Variants in HSPA12A observed in about 807,000 individuals in gnomAD.
The protein encoded by HSPA12A is heat shock protein family A (Hsp70) member 12A, also known as heat shock 70 kDa protein 12A.
In HSPA12A, 28 loss-of-function variants were observed where a neutral mutation model predicts 69.2. The observed-to-expected ratio is 0.40, with a 90% CI of 0.30 to 0.55. The LOEUF (loss-of-function observed/expected upper bound fraction) is 0.55. Among genes scored for constraint, HSPA12A ranks in the 20% least tolerant of loss-of-function variants. HSPA12A has a pLI of 0.38. For missense variants in HSPA12A, 686 were observed against 900.7 expected, an observed-to-expected ratio of 0.76 and a Z score of 3.05; for synonymous variants, 345 against 370.5, an observed-to-expected ratio of 0.93 and a Z score of 0.79.
chr10:116,685,257 C>A (rs1849545538), intron 6 of HSPA12A, among the ~76,000 whole-genome samples: 1 of 152,132 alleles, frequency 6.6e-6, no homozygotes, highest in Non-Finnish European at 1.5e-5. Context: ...AACTTCTCAT[C>A]AGGCGAAGTC....
chr10:116,703,709 G>A (rs1183582556), intron 3 of HSPA12A, among the ~76,000 whole-genome samples: 1 of 152,212 alleles, frequency 6.6e-6, no homozygotes, highest in East Asian at 1.9e-4. Context: ...AAAGATTCGA[G>A]GAGTCATACC....
chr10:116,848,778 T>A (rs1287166738), intron 1 of HSPA12A, among the ~76,000 whole-genome samples: 1 of 152,162 alleles, frequency 6.6e-6, no homozygotes, highest in Non-Finnish European at 1.5e-5. Context: ...CCTCCCCAAG[T>A]CCTGCCTGAA....
chr10:116,681,685 C>G (rs782589570), intron 8 of HSPA12A, 106 bp downstream of exon 8: 24 of 950,724 alleles, frequency 2.5e-5, no homozygotes, highest in Non-Finnish European at 3.6e-5. Context: ...TTAGAACCCA[C>G]TGAGTTTGAA....
chr10:116,741,200 C>A (rs1013172618), intron 1 of HSPA12A, among the ~76,000 whole-genome samples: 6 of 152,122 alleles, frequency 3.9e-5, no homozygotes, highest in African/African-American at 1.4e-4. Context: ...TGGGGAGGCA[C>A]CTCCCTGATC....
At chr10:116,761,618 C>T (rs1486864687) in intron 2 of HSPA12A, among the ~76,000 whole-genome samples, 3 of 151,520 alleles carry the variant, frequency 2.0e-5, no homozygotes, top group African/African-American at 7.3e-5. Flanking sequence ...CATGGTAGTG[C>T]ACGTCTGGCT....
chr10:116,806,235 C>CT lies in HSPA12A; in HGVS notation c.91+28699dup, dbSNP rs1240554055. ...TATACATTTTTGAGACTGGGTTTCA[C>CT]TCTTGCCCGGGATGGAGTGCAATGG... On this transcript the variant is annotated intron_variant, in intron 2 of 12. Coordinates refer to the HSPA12A transcript ENST00000635765. Among the ~76,000 whole-genome samples, 4 of 152,210 alleles carry CT rather than the reference C, an allele frequency of 2.6e-5. No homozygotes were observed. The East Asian group carries it at 7.7e-4, about 29-fold the overall frequency.
exon 1 of HSPA12A, chr10:116,849,592 G>A (rs1845992431): frequency 6.5e-7 from 1 of 1,547,784 alleles, no homozygotes; most frequent in Admixed American, 2.0e-5. Context: ...GGCGGCCGCA[G>A]CTGTGGGACC....
chr10:116,692,543 AC>A, intron 5 of HSPA12A, 76 bp from the exon 6 acceptor site: 1 of 1,109,110 alleles, frequency 9.0e-7, no homozygotes, highest in Non-Finnish European at 1.4e-6. Flanking sequence ...GCTTCACTGA[AC>A]CCAGGCTTCC....
rs116862920 is a variant in HSPA12A, at chr10:116,753,092, C to T, written c.92-45807G>A. 8.2e-3 allele frequency among the ~76,000 whole-genome samples: 1,254 copies of T among 152,294 alleles called. 6 individuals are homozygous for T. Among genetic ancestry groups the T allele is most frequent in the Non-Finnish European group, 0.015 (1,035 of 68,016 alleles). On this transcript the variant is annotated intron_variant, in intron 2 of 12. Coordinates refer to the HSPA12A transcript ENST00000635765. ...ACTCAGCTGGCCAAGGGATGTTGGC[C>T]ACGTGTGGGAAGTACAATCTGGTGG...
intron 3 of HSPA12A, among the ~76,000 whole-genome samples, chr10:116,701,729 G>C (rs1850082617): frequency 6.6e-6 from 1 of 152,214 alleles, no homozygotes; most frequent in Admixed American, 6.5e-5. Context: ...AGAATGTGAA[G>C]TGACTGCGTT....
intron 2 of HSPA12A, among the ~76,000 whole-genome samples, chr10:116,756,031 T>C (rs921343345): frequency 1.3e-5 from 2 of 151,944 alleles, no homozygotes; most frequent in Admixed American, 1.3e-4. Flanking sequence ...AAAACACCCA[T>C]AAATAATGAT....
chr10:116,849,666 C>G (rs749622679), exon 1 of HSPA12A: 1 of 1,550,078 alleles, frequency 6.5e-7, no homozygotes, highest in South Asian at 1.2e-5. Context: ...CGACGTTCCG[C>G]GCAGGCTGGA....
chr10:116,769,204 G>A (rs1231713095), intron 2 of HSPA12A, among the ~76,000 whole-genome samples: 1 of 152,174 alleles, frequency 6.6e-6, no homozygotes, highest in East Asian at 1.9e-4. Context: ...TTCCTGTGAG[G>A]TCACTTGGAC....
intron 3 of HSPA12A, among the ~76,000 whole-genome samples, chr10:116,704,909 A>G (rs892791058): frequency 6.6e-6 from 1 of 152,190 alleles, no homozygotes; most frequent in South Asian, 2.1e-4. Context: ...GGCTTCAAAC[A>G]TACTGCCCAG....
At chr10:116,761,732 G>A (rs533656133) in intron 2 of HSPA12A, among the ~76,000 whole-genome samples, 2 of 152,106 alleles carry the variant, frequency 1.3e-5, no homozygotes, top group African/African-American at 4.8e-5. Context: ...GATCTAAAAC[G>A]TGAAGGTGGA....
At chr10:116,767,199 G>A (rs1471107349) in intron 2 of HSPA12A, among the ~76,000 whole-genome samples, 1 of 152,156 alleles carries the variant, frequency 6.6e-6, no homozygotes, top group Non-Finnish European at 1.5e-5. Context: ...TGGGGAACGA[G>A]GTCCTGAAAA....
At position 116,701,899 on chromosome 10, in the gene HSPA12A, T is replaced by A. The variant is rs562109575; in HGVS notation, c.255-770A>T. 9.1e-4 allele frequency among the ~76,000 whole-genome samples: 138 copies of A among 152,118 alleles called. 2 individuals are homozygous for A. The South Asian group carries it at 0.026, about 29-fold the overall frequency. On this transcript the variant is annotated intron_variant, in intron 3 of 11. Transcript: ENST00000369209. ...GCCACTAAAGGTCTTAGAGCAGGGG[T>A]ATGACAGAATCAGAGCTGCTGTTCA... is the stretch of plus-strand genomic sequence containing the variant.
intron 1 of HSPA12A, among the ~76,000 whole-genome samples, chr10:116,737,572 T>C (rs912889783): frequency 2.0e-5 from 3 of 152,250 alleles, no homozygotes; most frequent in East Asian, 1.9e-4. Flanking sequence ...GTGAAAGATA[T>C]CATTATTACT....
chr10:116,754,504 T>C (rs1247754707), intron 2 of HSPA12A, among the ~76,000 whole-genome samples: 1 of 152,120 alleles, frequency 6.6e-6, no homozygotes, highest in African/African-American at 2.4e-5. Flanking sequence ...AAATTGGGGA[T>C]AAGAAGAAAA....
Sources: gnomAD v4.1 joint callset for allele counts (sites outside exome capture counted in the v4.1 genomes callset) on GRCh38, gnomAD v4.1.1 for gene constraint, MANE v1.5 for transcripts, NCBI Gene and HGNC (gene_info 2026-07-23, HGNC 2026-07-21) for gene names.